MGLL: variants seen among roughly 807,000 people sequenced by gnomAD.
The protein encoded by MGLL is lysophospholipase homolog.
Under a neutral mutation model 29.1 loss-of-function variants are expected in MGLL, and 7 were observed. The ratio of observed to expected loss-of-function variants is 0.24; its 90% CI spans 0.14 to 0.45. The LOEUF is 0.45. MGLL is among the 20% of genes least tolerant of loss of function. MGLL has a pLI of 0.99. For missense variants in MGLL, 356 were observed against 413.6 expected (o/e 0.86, Z 1.21); for synonymous variants, 148 against 168.3 (o/e 0.88, Z 0.93).
intron 3 of MGLL, among the ~76,000 whole-genome samples, chr3:127,772,316 T>C (rs931676540): frequency 6.6e-6 from 1 of 152,198 alleles, no homozygotes; most frequent in Non-Finnish European, 1.5e-5. Context: ...CATTGGTAGT[T>C]CACTTCTGAC....
chr3:127,813,174 C>G (rs2077694687), intron 2 of MGLL, among the ~76,000 whole-genome samples: 1 of 152,120 alleles, frequency 6.6e-6, no homozygotes, highest in African/African-American at 2.4e-5. Context: ...TTTCCCTTTT[C>G]ATTCTTTTTT....
At chr3:127,704,075 A>T (rs564722420) in intron 6 of MGLL, among the ~76,000 whole-genome samples, 10 of 152,368 alleles carry the variant, frequency 6.6e-5, no homozygotes, top group African/African-American at 2.4e-4. Flanking sequence ...ATAAGACTGC[A>T]TATCTACAAC....
At chr3:127,702,456 G>A (rs1191707209) in intron 6 of MGLL, among the ~76,000 whole-genome samples, 3 of 152,188 alleles carry the variant, frequency 2.0e-5, no homozygotes, top group Non-Finnish European at 4.4e-5. Flanking sequence ...CCCAGCTGGC[G>A]CCCAGCCTCA....
chr3:127,734,006 T>C (rs2076199495), intron 3 of MGLL, among the ~76,000 whole-genome samples: 1 of 152,214 alleles, frequency 6.6e-6, no homozygotes, highest in Non-Finnish European at 1.5e-5. Flanking sequence ...CAGAGGAAAG[T>C]GGGCGTTCCT....
At chr3:127,782,366 G>A (rs1348351873) in intron 2 of MGLL, among the ~76,000 whole-genome samples, 3 of 152,186 alleles carry the variant, frequency 2.0e-5, no homozygotes, top group Non-Finnish European at 2.9e-5. Flanking sequence ...GTTAAAATGC[G>A]GGGCTTCAGA....
chr3:127,777,186 T>C lies in MGLL; in HGVS notation c.262+4603A>G, dbSNP rs145890907. Among the ~76,000 whole-genome samples, 49 of 152,296 alleles carry C rather than the reference T, an allele frequency of 3.2e-4. No individual in the cohort carries two copies. In the East Asian group the frequency reaches 8.9e-3, roughly 28 times the overall value. ...TGCTTATTAATGATGCCAATACTAATAGCCTTCACATCAAAACCTTCAGAA... is the reference window on the plus strand; with the variant it reads ...TGCTTATTAATGATGCCAATACTAACAGCCTTCACATCAAAACCTTCAGAA... On this transcript the variant is annotated intron_variant, in intron 3 of 7. Transcript: ENST00000265052.
At chr3:127,746,159 G>A (rs2076438159) in intron 3 of MGLL, among the ~76,000 whole-genome samples, 1 of 152,158 alleles carries the variant, frequency 6.6e-6, no homozygotes, top group South Asian at 2.1e-4. Context: ...CTGGGATGGT[G>A]AGGATGGAGC....
chr3:127,698,023 C>T (rs1576470757), intron 6 of MGLL, among the ~76,000 whole-genome samples: 1 of 152,202 alleles, frequency 6.6e-6, no homozygotes, highest in Non-Finnish European at 1.5e-5. Context: ...AGCAGGCGCT[C>T]GGGGACTCTG....
rs72969613 is a variant in MGLL at position 127,689,145 on chromosome 3, C to T, written c.*3053G>A. ...GCTCTAAATGGATACATATGTGCCC[C>T]GCAGACAGTATACACGCAGGGATGT... On this transcript the variant is annotated 3_prime_UTR_variant, in exon 8 of 8. Coordinates refer to ENST00000265052, the MANE Select transcript of MGLL (RefSeq NM_007283.7). 1.4e-3 allele frequency: 215 copies of T among 152,342 alleles called. 1 individual carries two copies. Among genetic ancestry groups the T allele is most frequent in the African/African-American group, 4.6e-3 (193 of 41,570 alleles). The allele number at this position is 152,342 out of a possible 1,614,324, so 9.4% of individuals were successfully genotyped here.
chr3:127,808,841 A>G (rs1050030743), intron 2 of MGLL, among the ~76,000 whole-genome samples: 5 of 152,026 alleles, frequency 3.3e-5, no homozygotes, highest in Non-Finnish European at 7.4e-5. Flanking sequence ...GTCTTGGGCC[A>G]TTTTTAGACT....
At chr3:127,786,433 T>G (rs543534300) in intron 2 of MGLL, among the ~76,000 whole-genome samples, 2 of 152,216 alleles carry the variant, frequency 1.3e-5, no homozygotes, top group African/African-American at 2.4e-5. Context: ...ATCTTTTTCC[T>G]GGAACTTCTT....
intron 3 of MGLL, among the ~76,000 whole-genome samples, chr3:127,738,260 C>T (rs2076278769): frequency 1.3e-5 from 2 of 151,694 alleles, no homozygotes; most frequent in Admixed American, 1.3e-4. Context: ...GTGATTTCAC[C>T]ACTGCACTCC....
intron 3 of MGLL, among the ~76,000 whole-genome samples, chr3:127,739,837 C>T (rs899316073): frequency 2.0e-5 from 3 of 152,194 alleles, no homozygotes; most frequent in African/African-American, 7.2e-5. Flanking sequence ...TTCTACCATC[C>T]TCCAAGTGTG....
At chr3:127,732,460 C>CA (rs1172836705) in intron 3 of MGLL, among the ~76,000 whole-genome samples, 1 of 152,080 alleles carries the variant, frequency 6.6e-6, no homozygotes, top group Non-Finnish European at 1.5e-5. Flanking sequence ...CAGCTCAGGG[C>CA]AAAACACAGC....
intron 3 of MGLL, among the ~76,000 whole-genome samples, chr3:127,770,959 TA>T (rs1431845604): frequency 1.3e-5 from 2 of 152,020 alleles, no homozygotes; most frequent in African/African-American, 4.8e-5. Flanking sequence ...CAGGAAAGGC[TA>T]GGTATCTAGG....
At chr3:127,818,219 T>C (rs1414252334) in intron 2 of MGLL, among the ~76,000 whole-genome samples, 3 of 152,224 alleles carry the variant, frequency 2.0e-5, no homozygotes, top group Non-Finnish European at 4.4e-5. Context: ...CGCCTCAGCC[T>C]CCCGATGTGT....
intron 3 of MGLL, among the ~76,000 whole-genome samples, chr3:127,739,555 C>T (rs967525781): frequency 6.6e-5 from 10 of 152,162 alleles, no homozygotes; most frequent in African/African-American, 1.7e-4. Flanking sequence ...TGCTGAATGA[C>T]GCCTACGTAG....
intron 3 of MGLL, among the ~76,000 whole-genome samples, chr3:127,773,127 A>G (rs1014186134): frequency 6.6e-6 from 1 of 152,162 alleles, no homozygotes; most frequent in African/African-American, 2.4e-5. Context: ...AGATGGAATG[A>G]GATGTTTGAG....
At chr3:127,722,690 C>T in intron 3 of MGLL, 124 bp from the exon 4 acceptor site, 1 of 1,303,584 alleles carries the variant, frequency 7.7e-7, no homozygotes, top group Non-Finnish European at 1.1e-6. Flanking sequence ...CTCATTTAAC[C>T]CTTTCCAGCC....
Sources: allele counts gnomAD v4.1 joint callset (sites outside exome capture counted in the v4.1 genomes callset), GRCh38; gene constraint gnomAD v4.1.1; transcripts MANE v1.5; gene names NCBI Gene and HGNC (gene_info 2026-07-23, HGNC 2026-07-21).